The following DNASE2 variants were observed in gnomAD, a reference collection of about 807,000 sequenced individuals.
DNASE2 encodes the protein deoxyribonuclease 2, lysosomal.
A neutral mutation model predicts 29.8 loss-of-function variants in DNASE2; 26 were observed. The observed-to-expected ratio is 0.87, with a 90% CI of 0.64 to 1.21. The LOEUF (loss-of-function observed/expected upper bound fraction) is 1.21. Among genes scored for constraint, DNASE2 ranks in the 50% most tolerant of loss-of-function variants. The probability of loss-of-function intolerance (pLI) is 0.00; values close to 1 mark genes in which losing one functional copy is unlikely to be tolerated. For synonymous variants in DNASE2, 186 were observed against 193.5 expected (o/e 0.96, Z 0.32); for missense variants, 415 against 455.6 (o/e 0.91, Z 0.81).
chr19:12,881,188 G>A (rs934094137), intron 1 of DNASE2, 36 bp from the exon 2 acceptor site: 1 of 1,611,732 alleles, frequency 6.2e-7, no homozygotes, highest in East Asian at 2.2e-5. Context: ...TAGGAGAGAG[G>A]GAAGAGAAGG....
At chr19:12,880,924 A>T (rs746600321) in intron 2 of DNASE2, 44 bp from the exon 3 acceptor site, 6 of 1,614,210 alleles carry the variant, frequency 3.7e-6, no homozygotes, top group Non-Finnish European at 5.1e-6. Context: ...CCTCCCAGGC[A>T]GGGCAGCCCT....
At position 12,881,060 on chromosome 19, in the gene DNASE2, C is replaced by A; in HGVS notation, c.179G>T (p.Gly60Val). Reference sequence around the variant, plus strand: ...GATGAGTGCCCTGCCGTCCCGCCAGCCTCCGGAGCTCTCGTCCAGATACTT... The same window carrying A: ...GATGAGTGCCCTGCCGTCCCGCCAGACTCCGGAGCTCTCGTCCAGATACTT... ...QYKYLDESSGGWRDGRALINS... is the reference protein window; with the variant it reads ...QYKYLDESSGVWRDGRALINS... Residue 60 changes from glycine to valine, a missense_variant, in exon 2 of 6, where the codon GGC becomes GTC. Transcript: ENST00000222219. The A allele has an allele frequency of 6.2e-7, 1 of 1,613,084 alleles. No homozygotes were observed. The highest frequency in any genetic ancestry group is 1.7e-4 in the Middle Eastern group (1 of 6,060).
At chr19:12,879,704 C>A (rs1426943045) in intron 3 of DNASE2, among the ~76,000 whole-genome samples, 2 of 152,134 alleles carry the variant, frequency 1.3e-5, no homozygotes, top group Non-Finnish European at 2.9e-5. Context: ...GGTGTGGCGG[C>A]TCATGCCGGT....
At chr19:12,878,101 C>G in intron 5 of DNASE2, 1 of 450,892 alleles carries the variant, frequency 2.2e-6, no homozygotes, top group Non-Finnish European at 4.1e-6. Flanking sequence ...AGGAGTGAGG[C>G]ACCACCTCTG....
rs772465857 is a variant in DNASE2, at chr19:12,876,080, T to C, written c.993A>G (p.Pro331=). The change falls in exon 6 of 6, where the codon CCA becomes CCG. Residue 331 remains proline (P), a synonymous_variant. Transcript: ENST00000222219. ...RGGGTLCAQL[P]ALWKAFQPLV... is the part of the protein sequence containing the mutation. ...GCGGCTGGAAGGCTTTCCAGAGGGC[T>C]GGCAGCTGGGCACACAGTGTGCCCC... 1 of 1,613,992 alleles carries C rather than the reference T, an allele frequency of 6.2e-7. No individual in the cohort carries two copies. The highest frequency in any genetic ancestry group is 8.5e-7 in the Non-Finnish European group (1 of 1,180,008).
intron 3 of DNASE2, among the ~76,000 whole-genome samples, chr19:12,879,227 G>A (rs371060048): frequency 6.6e-6 from 1 of 151,724 alleles, no homozygotes; most frequent in East Asian, 1.9e-4. Flanking sequence ...CCCACGCAGT[G>A]TAATCCCAGC....
At chr19:12,879,484 C>CAAAAA (rs35693082) in intron 3 of DNASE2, among the ~76,000 whole-genome samples, 1 of 71,172 alleles carries the variant, frequency 1.4e-5, no homozygotes, top group African/African-American at 5.7e-5. Context: ...AACTCCTTCT[C>CAAAAA]AAAAAAAAAA....
chr19:12,879,275 G>A (rs1373986830), intron 3 of DNASE2, among the ~76,000 whole-genome samples: 1 of 149,612 alleles, frequency 6.7e-6, no homozygotes, highest in Middle Eastern at 3.6e-3. Flanking sequence ...ACCTGAGGTC[G>A]GGAGTTCAAG....
At position 12,878,836 on chromosome 19, in the gene DNASE2, T is replaced by C; in HGVS notation, c.347-2A>G. On this transcript the variant is annotated splice_acceptor_variant, in intron 3 of 5. Coordinates refer to ENST00000222219, the MANE Select transcript of DNASE2 (RefSeq NM_001375.3). LOFTEE classifies it high-confidence loss of function. Reference sequence around the variant, plus strand: ...CATCGTGGTCAAGGAGCAGGACACCTGGACCAAAAGAAGGCATTAGGGGAG... The same window carrying C: ...CATCGTGGTCAAGGAGCAGGACACCCGGACCAAAAGAAGGCATTAGGGGAG... 6.2e-7 allele frequency: 1 copy of C among 1,611,996 alleles called. No homozygotes were observed. The highest frequency in any genetic ancestry group is 8.5e-7 in the Non-Finnish European group (1 of 1,179,426).
chr19:12,878,744 C>T lies in DNASE2; in HGVS notation c.437G>A (p.Trp146Ter). ...CCCGTAGGTACAGGCGCTATGAGGCCAGCTGTATGCAGCAGAGGAGGCCGG... is the reference window on the plus strand; with the variant it reads ...CCCGTAGGTACAGGCGCTATGAGGCTAGCTGTATGCAGCAGAGGAGGCCGG... Reference protein sequence around the residue: ...PPPASSAAYSWPHSACTYGQT... With the variant: ...PPPASSAAYS Residue 146 changes from tryptophan (W) to a stop codon, truncating the protein, a stop_gained, in exon 4 of 6, where the codon TGG becomes TAG. Transcript: ENST00000222219. LOFTEE classifies it high-confidence loss of function. 6.2e-7 allele frequency: 1 copy of T among 1,614,050 alleles called. No homozygotes were observed. The highest frequency in any genetic ancestry group is 8.5e-7 in the Non-Finnish European group (1 of 1,180,004).
Position 12,881,142 on chromosome 19 carries a change from A to G in DNASE2, c.97T>C (p.Tyr33His), listed in dbSNP as rs1970375629. The change falls in exon 2 of 6, where the codon TAC becomes CAC. Residue 33 changes from tyrosine (Y) to histidine (H), a missense_variant. Coordinates refer to ENST00000222219, the MANE Select transcript of DNASE2 (RefSeq NM_001375.3). ...GACCCTCTAAGAGCTGGCAGCTTGT[A>G]GACCACGAACCTGGAGGTCGGAGAA... is the stretch of plus-strand genomic sequence containing the variant. ...SGQPVDWFVVYKLPALRGSGE... is the reference protein window; with the variant it reads ...SGQPVDWFVVHKLPALRGSGE... 6.2e-7 allele frequency: 1 copy of G among 1,611,784 alleles called. No individual in the cohort carries two copies. The highest frequency in any genetic ancestry group is 8.5e-7 in the Non-Finnish European group (1 of 1,180,006).
Position 12,878,463 on chromosome 19 carries a change from G to T in DNASE2, c.628C>A (p.Pro210Thr). Reference sequence around the variant, plus strand: ...GTGAGTGTGATGCTGCTGTTCCAGGGTTCTTGGCTAACGTGGTGGCCCTTG... The same window carrying T: ...GTGAGTGTGATGCTGCTGTTCCAGGTTTCTTGGCTAACGTGGTGGCCCTTG... ...VVKGHHVSQE[P>T]WNSSITLTSQ... Residue 210 changes from proline to threonine, a missense_variant, in exon 5 of 6, where the codon CCC becomes ACC. Pro to Thr is a conservative substitution (Grantham distance 38, BLOSUM62 -1). Coordinates refer to ENST00000222219, the MANE Select transcript of DNASE2 (RefSeq NM_001375.3). The T allele has an allele frequency of 1.2e-6, 2 of 1,613,984 alleles. No homozygotes were observed. The highest frequency in any genetic ancestry group is 1.7e-6 in the Non-Finnish European group (2 of 1,180,042).
rs898842170 is a variant in DNASE2, at chr19:12,876,382, G to A, written c.710-19C>T. ...TACAGGTCTGCAAAGGATGGAGAGA[G>A]GGCACAGGTAGGGTCAGGGCCACTG... On this transcript the variant is annotated intron_variant, in intron 5 of 5. Transcript: ENST00000222219. 7 of 1,608,560 alleles carry A rather than the reference G, an allele frequency of 4.4e-6. No homozygotes were observed. The African/African-American group carries it at 9.3e-5, about 21-fold the overall frequency.
In DNASE2 at chr19:12,881,392, A is replaced by C; in HGVS notation, c.-17T>G. On this transcript the variant is annotated 5_prime_UTR_variant, in exon 1 of 6. Coordinates refer to ENST00000222219, the MANE Select transcript of DNASE2 (RefSeq NM_001375.3). ...CGGGATCATAGCTGCTATGGGGCTG[A>C]GATCCAGGAATCTGTGTCGGGACTG... The C allele has an allele frequency of 6.4e-7, 1 of 1,552,090 alleles. No individual in the cohort carries two copies. Among genetic ancestry groups the C allele is most frequent in the Non-Finnish European group, 8.7e-7 (1 of 1,148,842 alleles).
intron 3 of DNASE2, among the ~76,000 whole-genome samples, chr19:12,879,777 C>T (rs1337389603): frequency 1.3e-5 from 2 of 152,118 alleles, no homozygotes; most frequent in East Asian, 1.9e-4. Context: ...AGAGACCAGC[C>T]TAGGCAACAT....
In DNASE2 at chr19:12,876,180, C is replaced by T; in HGVS notation, c.893G>A (p.Trp298Ter). ...SFNSTEDHSK[W>*]CVSPKGPWTC... is the part of the protein sequence containing the mutation. ...CCAGGGCCCTTTTGGGGACACGCAC[C>T]ATTTGGAGTGGTCCTCTGTGCTGTT... Residue 298 changes from tryptophan (W) to a stop codon, truncating the protein, a stop_gained, in exon 6 of 6, where the codon TGG becomes TAG. Transcript: ENST00000222219. LOFTEE classifies it low-confidence loss of function (END_TRUNC). The T allele has an allele frequency of 1.9e-6, 3 of 1,614,214 alleles. No homozygotes were observed. Among genetic ancestry groups the T allele is most frequent in the Non-Finnish European group, 2.5e-6 (3 of 1,180,038 alleles).
chr19:12,880,011 A>T (rs965585562), intron 3 of DNASE2, among the ~76,000 whole-genome samples: 7 of 149,958 alleles, frequency 4.7e-5, no homozygotes, highest in African/African-American at 1.2e-4. Context: ...AGGCTGAGGC[A>T]GAAGAATCGC....
At position 12,878,639 on chromosome 19, in the gene DNASE2, G is replaced by A. The variant is rs746015779; in HGVS notation, c.511+31C>T. ...TTCCAGGTTCTGGTCAGTAAACCCA[G>A]GACTCATCCTGTGTCCCTGACTCGA... On this transcript the variant is annotated intron_variant, in intron 4 of 5. Coordinates refer to ENST00000222219, the MANE Select transcript of DNASE2 (RefSeq NM_001375.3). The A allele has an allele frequency of 2.5e-6, 4 of 1,613,880 alleles. No individual in the cohort carries two copies. The South Asian group carries it at 4.4e-5, about 18-fold the overall frequency.
At position 12,878,295 on chromosome 19, in the gene DNASE2, C is replaced by T. The variant is rs1970341336; in HGVS notation, c.709+87G>A. ...TATAGCTCCCAAACAGACCTGGTCT[C>T]TACCGCTGACTTGAACTCAGCCATG... On this transcript the variant is annotated intron_variant, in intron 5 of 5. Coordinates refer to ENST00000222219, the MANE Select transcript of DNASE2 (RefSeq NM_001375.3). 3.9e-6 allele frequency: 6 copies of T among 1,534,508 alleles called. No homozygotes were observed. The Admixed American group carries it at 1.0e-4, about 26-fold the overall frequency.
Sources: gnomAD v4.1 joint callset for allele counts (sites outside exome capture counted in the v4.1 genomes callset) on GRCh38, gnomAD v4.1.1 for gene constraint, MANE v1.5 for transcripts, NCBI Gene and HGNC (gene_info 2026-07-23, HGNC 2026-07-21) for gene names.